The following ARHGEF4 variants were observed in gnomAD, a reference collection of about 807,000 sequenced individuals.
The protein encoded by ARHGEF4 is Rho guanine nucleotide exchange factor 4.
Under a neutral mutation model 162.0 loss-of-function variants are expected in ARHGEF4, and 119 were observed. The ratio of observed to expected loss-of-function variants is 0.73; its 90% CI spans 0.63 to 0.86. The LOEUF is 0.86. Among genes scored for constraint, ARHGEF4 ranks in the 40% least tolerant of loss-of-function variants. The pLI is 0.00. For missense variants in ARHGEF4, 2,488 were observed against 2,456.0 expected, an observed-to-expected ratio of 1.01 and a Z score of -0.28; for synonymous variants, 1,014 against 979.9, an observed-to-expected ratio of 1.03 and a Z score of -0.65.
intron 3 of ARHGEF4, among the ~76,000 whole-genome samples, chr2:130,937,560 A>G (rs1408044520): frequency 6.6e-6 from 1 of 151,906 alleles, no homozygotes. Context: ...AAAACAGTTG[A>G]TTAGAGTCTT....
intron 4 of ARHGEF4, among the ~76,000 whole-genome samples, chr2:130,977,654 C>T (rs116147438): frequency 0.024 from 3,566 of 150,646 alleles, 155 homozygotes; most frequent in East Asian, 0.2. Context: ...TTGCATGTGT[C>T]GTGTATGTAT....
chr2:130,853,540 C>T (rs1489419111), intron 1 of ARHGEF4, among the ~76,000 whole-genome samples: 3 of 152,200 alleles, frequency 2.0e-5, no homozygotes, highest in African/African-American at 4.8e-5. Context: ...GGCATGTCTT[C>T]GCTCAGCAGG....
At chr2:131,044,817 G>A (rs1053512085) in intron 12 of ARHGEF4, among the ~76,000 whole-genome samples, 4 of 152,210 alleles carry the variant, frequency 2.6e-5, no homozygotes, top group Non-Finnish European at 4.4e-5. Flanking sequence ...TTCACTACAC[G>A]CGCTCACATG....
At position 130,893,153 on chromosome 2, in the gene ARHGEF4, G is replaced by A. The variant is rs115940633; in HGVS notation, c.40-20833G>A. 6.8e-4 allele frequency among the ~76,000 whole-genome samples: 104 copies of A among 152,292 alleles called. 1 individual carries two copies. The highest frequency in any genetic ancestry group is 2.4e-3 in the African/African-American group (100 of 41,556). On this transcript the variant is annotated intron_variant, in intron 1 of 13. Coordinates refer to ENST00000409359, the MANE Select transcript of ARHGEF4 (RefSeq NM_001367493.1). Reference sequence around the variant, plus strand: ...TGGTTTCACGCTAGGTTTCTCTTGCGAGCACGTGCTTAATTAGCACCATGT... The same window carrying A: ...TGGTTTCACGCTAGGTTTCTCTTGCAAGCACGTGCTTAATTAGCACCATGT...
At chr2:130,970,912 T>A (rs1434572813) in intron 4 of ARHGEF4, among the ~76,000 whole-genome samples, 1 of 152,236 alleles carries the variant, frequency 6.6e-6, no homozygotes, top group Non-Finnish European at 1.5e-5. Context: ...AGTTTGTAAT[T>A]TTGACGGAAT....
intron 3 of ARHGEF4, among the ~76,000 whole-genome samples, chr2:130,938,015 T>C (rs1276609093): frequency 6.6e-6 from 1 of 152,206 alleles, no homozygotes; most frequent in East Asian, 1.9e-4. Flanking sequence ...AATATTATAA[T>C]GTGGCAACAA....
chr2:131,005,488 C>G (rs1014114352), intron 4 of ARHGEF4, among the ~76,000 whole-genome samples: 1 of 152,202 alleles, frequency 6.6e-6, no homozygotes, highest in Non-Finnish European at 1.5e-5. Flanking sequence ...CTGCCCAGTC[C>G]TGTTCTGTGT....
chr2:131,020,997 G>T lies in ARHGEF4; in HGVS notation c.3986-6948G>T, dbSNP rs1189248833. On this transcript the variant is annotated intron_variant, in intron 4 of 13. Transcript: ENST00000409359. Reference sequence around the variant, plus strand: ...CTGCATAAATGTCTTCGTTTGAGAAGTGTCTGTTCATATCCTCTGCCCACT... The same window carrying T: ...CTGCATAAATGTCTTCGTTTGAGAATTGTCTGTTCATATCCTCTGCCCACT... Among the ~76,000 whole-genome samples, 3 of 152,168 alleles carry T rather than the reference G, an allele frequency of 2.0e-5. No individual in the cohort carries two copies. The East Asian group carries it at 5.8e-4, about 29-fold the overall frequency.
intron 3 of ARHGEF4, among the ~76,000 whole-genome samples, chr2:130,934,736 G>T (rs1682836228): frequency 1.3e-5 from 2 of 152,242 alleles, no homozygotes; most frequent in East Asian, 1.9e-4. Context: ...TAGAGACAGG[G>T]TTTCACCATG....
chr2:131,010,248 T>C (rs543635584), intron 4 of ARHGEF4, among the ~76,000 whole-genome samples: 45 of 152,290 alleles, frequency 3.0e-4, no homozygotes, highest in African/African-American at 1.1e-3. Context: ...TGACTGCAGG[T>C]TTCTCTCTGT....
intron 4 of ARHGEF4, among the ~76,000 whole-genome samples, chr2:131,016,469 GC>G (rs908906249): frequency 6.6e-6 from 1 of 152,220 alleles, no homozygotes; most frequent in African/African-American, 2.4e-5. Context: ...CCTGCCCAGT[GC>G]CCCCCATGCC....
At chr2:130,922,611 G>T (rs895881626) in intron 2 of ARHGEF4, among the ~76,000 whole-genome samples, 1 of 152,214 alleles carries the variant, frequency 6.6e-6, no homozygotes, top group Non-Finnish European at 1.5e-5. Context: ...AAGGTATGTG[G>T]CATTTTATGA....
At chr2:131,024,168 G>A (rs958959846) in intron 4 of ARHGEF4, among the ~76,000 whole-genome samples, 2 of 152,180 alleles carry the variant, frequency 1.3e-5, no homozygotes, top group African/African-American at 2.4e-5. Context: ...GACCATTGAC[G>A]GAAACTGGAT....
intron 1 of ARHGEF4, among the ~76,000 whole-genome samples, chr2:130,874,720 A>T (rs1678710557): frequency 6.6e-6 from 1 of 152,178 alleles, no homozygotes; most frequent in Non-Finnish European, 1.5e-5. Flanking sequence ...AGGGACAGCC[A>T]CATGGAACAT....
intron 5 of ARHGEF4, chr2:131,034,987 G>A: frequency 1.0e-6 from 1 of 983,984 alleles, no homozygotes; most frequent in African/African-American, 1.8e-5. Context: ...AGGAGCCCCA[G>A]GCCCGCGAGC....
intron 3 of ARHGEF4, among the ~76,000 whole-genome samples, chr2:130,932,655 A>G (rs1421215477): frequency 6.6e-6 from 1 of 151,180 alleles, no homozygotes; most frequent in Non-Finnish European, 1.5e-5. Flanking sequence ...TACTTTATCT[A>G]TTTTTTTTTG....
rs1691045974 is a variant in ARHGEF4, at chr2:131,044,192, A to G, written c.5158-107A>G. ...ATCTCACTGTCTGCTGGGGAGGTGG[A>G]GGCATCACCAGCAGCCCCTCCTATG... is the stretch of plus-strand genomic sequence containing the variant. On this transcript the variant is annotated intron_variant, in intron 11 of 13. Coordinates refer to ENST00000409359, the MANE Select transcript of ARHGEF4 (RefSeq NM_001367493.1). The G allele has an allele frequency of 1.5e-5, 22 of 1,473,824 alleles. No homozygotes were observed. The South Asian group carries it at 2.9e-4, about 20-fold the overall frequency. 91.3% of individuals were successfully genotyped at this position (1,473,824 alleles called of 1,614,324 possible). A position where few individuals can be genotyped will look rare whatever the true frequency, so the allele number is the denominator to read the frequency against.
chr2:131,043,710 T>C, intron 11 of ARHGEF4, 127 bp downstream of exon 11: 2 of 1,316,260 alleles, frequency 1.5e-6, no homozygotes, highest in South Asian at 1.4e-5. Flanking sequence ...GGCCAGACCC[T>C]TGGGGCTGGG....
Position 130,917,280 on chromosome 2 carries a change from G to A in ARHGEF4, c.3334G>A (p.Gly1112Ser), listed in dbSNP as rs1208146593. The change falls in exon 2 of 14, where the codon GGT becomes AGT. Residue 1112 changes from glycine to serine, a missense_variant. Transcript: ENST00000409359. The stretch of plus-strand genomic sequence containing the variant: ...GATGGGTCTCCACTACCCCGGGAGG[G>A]GTAGCGCCATCTCCATGGTTTCTCT... The part of the protein sequence containing the change: ...QRMGLHYPGR[G>S]SAISMVSLGS... The A allele has an allele frequency of 3.4e-5, 52 of 1,550,404 alleles. No homozygotes were observed. Among genetic ancestry groups the A allele is most frequent in the Non-Finnish European group, 4.4e-5 (51 of 1,146,998 alleles).
Sources: allele counts gnomAD v4.1 joint callset (sites outside exome capture counted in the v4.1 genomes callset), GRCh38; gene constraint gnomAD v4.1.1; transcripts MANE v1.5; gene names NCBI Gene and HGNC (gene_info 2026-07-23, HGNC 2026-07-21).